DNAAF11: variants seen among roughly 807,000 people sequenced by gnomAD.
The protein encoded by DNAAF11 is dynein axonemal assembly factor 11.
A neutral mutation model predicts 60.8 loss-of-function variants in DNAAF11; 45 were observed. The ratio of observed to expected loss-of-function variants is 0.74; its 90% CI spans 0.58 to 0.95. The LOEUF (loss-of-function observed/expected upper bound fraction) is 0.95, where lower values mean the gene tolerates loss of function less well. DNAAF11 is among the 40% of genes least tolerant of loss of function. The pLI is 0.00. For synonymous variants in DNAAF11, 191 were observed against 183.5 expected (o/e 1.04, Z -0.33); for missense variants, 546 against 546.2 (o/e 1.00, Z 0.00).
intron 11 of DNAAF11, among the ~76,000 whole-genome samples, chr8:132,581,142 T>C (rs912670144): frequency 2.6e-5 from 4 of 152,210 alleles, no homozygotes; most frequent in Non-Finnish European, 5.9e-5. Context: ...ACTTAATTCC[T>C]GATGGATTAG....
chr8:132,661,469 C>A lies in DNAAF11; in HGVS notation c.169G>T (p.Gly57Trp), dbSNP rs554756260. Residue 57 changes from glycine to tryptophan, a missense_variant, in exon 2 of 12, where the codon GGG (glycine) becomes TGG (tryptophan). By Grantham distance (184) the Gly-to-Trp change is radical. Coordinates refer to ENST00000620350, the MANE Select transcript of DNAAF11 (RefSeq NM_012472.6). ...AAGTACTGAAACTTACCAATTTTCC[C>A]AATAAGATTATTTTGAAGATAGAGA... ...KILYLQNNLIGKIENVSKLKK... is the reference protein window; with the variant it reads ...KILYLQNNLIWKIENVSKLKK... 3.6e-5 allele frequency: 58 copies of A among 1,611,638 alleles called. No homozygotes were observed. The South Asian group carries it at 6.0e-4, about 17-fold the overall frequency.
At position 132,581,681 on chromosome 8, in the gene DNAAF11, A is replaced by AG. The variant is rs1554669763; in HGVS notation, c.1226+2012_1226+2013insC. On this transcript the variant is annotated intron_variant, in intron 11 of 11. Coordinates refer to ENST00000620350, the MANE Select transcript of DNAAF11 (RefSeq NM_012472.6). ...TGCCTCAAAAAAAAAAAAAAAAAAA[A>AG]AAGAAGAAGAAGAAGAAGAACAAGC... Among the ~76,000 whole-genome samples the AG allele has an allele frequency of 6.3e-4, 93 of 148,368 alleles. 1 individual carries two copies. The South Asian group carries it at 0.016, about 25-fold the overall frequency.
At chr8:132,619,889 C>T (rs1819583540) in intron 7 of DNAAF11, among the ~76,000 whole-genome samples, 1 of 152,126 alleles carries the variant, frequency 6.6e-6, no homozygotes, top group Non-Finnish European at 1.5e-5. Flanking sequence ...ATGGGAAGTT[C>T]ACCGTCAGCA....
intron 11 of DNAAF11, among the ~76,000 whole-genome samples, chr8:132,583,468 T>C (rs1815543581): frequency 6.6e-6 from 1 of 152,200 alleles, no homozygotes; most frequent in African/African-American, 2.4e-5. Flanking sequence ...CCAGTCGTTA[T>C]ATTATGACGA....
intron 10 of DNAAF11, among the ~76,000 whole-genome samples, chr8:132,591,798 T>C (rs1204955560): frequency 6.6e-6 from 1 of 152,128 alleles, no homozygotes; most frequent in Non-Finnish European, 1.5e-5. Context: ...ATTTACTGAA[T>C]GGTAGGTTTT....
At chr8:132,644,790 C>T (rs1027771052) in intron 3 of DNAAF11, among the ~76,000 whole-genome samples, 17 of 152,176 alleles carry the variant, frequency 1.1e-4, no homozygotes, top group Non-Finnish European at 7.4e-5. Context: ...GGGGGAGGGA[C>T]GTCCACCATT....
At chr8:132,688,895 C>T in the DNAAF11 span, among the ~76,000 whole-genome samples, 4 of 152,190 alleles carry the variant, frequency 2.6e-5, no homozygotes, top group Middle Eastern at 3.4e-3. Context: ...TTAAAAATAC[C>T]GTTTAAAAGA....
intron 10 of DNAAF11, among the ~76,000 whole-genome samples, chr8:132,607,219 T>A (rs1299539199): frequency 1.3e-5 from 2 of 152,222 alleles, no homozygotes; most frequent in South Asian, 2.1e-4. Flanking sequence ...ACACCTCTTC[T>A]ACTACTTCAC....
intron 4 of DNAAF11, among the ~76,000 whole-genome samples, chr8:132,637,374 G>C (rs1006225908): frequency 1.3e-5 from 2 of 152,200 alleles, no homozygotes; most frequent in Admixed American, 1.3e-4. Context: ...GGGAGGCCGA[G>C]GCAGGTGGAT....
chr8:132,654,609 T>G (rs968673893), intron 3 of DNAAF11, among the ~76,000 whole-genome samples: 1 of 150,284 alleles, frequency 6.7e-6, no homozygotes, highest in African/African-American at 2.4e-5. Flanking sequence ...AAACGAGAAA[T>G]CAGTAAAATG....
chr8:132,629,118 C>T (rs1017687254), intron 5 of DNAAF11, among the ~76,000 whole-genome samples: 1 of 152,046 alleles, frequency 6.6e-6, no homozygotes. Flanking sequence ...TAATTCAACA[C>T]AGTAACAGAA....
At chr8:132,699,188 G>A in the DNAAF11 span, among the ~76,000 whole-genome samples, 3 of 152,006 alleles carry the variant, frequency 2.0e-5, no homozygotes, top group Middle Eastern at 3.4e-3. Flanking sequence ...GTGACCAGGG[G>A]TGGCGTGCCT....
intron 5 of DNAAF11, among the ~76,000 whole-genome samples, chr8:132,630,895 G>T (rs1036857336): frequency 6.6e-6 from 1 of 152,040 alleles, no homozygotes; most frequent in African/African-American, 2.4e-5. Context: ...TCCAGTATTG[G>T]CAAAGACTGA....
At chr8:132,648,590 T>A (rs974814303) in intron 3 of DNAAF11, among the ~76,000 whole-genome samples, 1 of 152,216 alleles carries the variant, frequency 6.6e-6, no homozygotes, top group African/African-American at 2.4e-5. Flanking sequence ...GCAGATGACA[T>A]GATTGTATAT....
intron 7 of DNAAF11, among the ~76,000 whole-genome samples, chr8:132,616,148 T>C (rs1819128579): frequency 6.6e-6 from 1 of 152,072 alleles, no homozygotes; most frequent in Non-Finnish European, 1.5e-5. Context: ...CTGCTTCCCC[T>C]TTATTCCTAG....
intron 6 of DNAAF11, among the ~76,000 whole-genome samples, chr8:132,624,422 T>G (rs1283803808): frequency 6.6e-6 from 1 of 152,218 alleles, no homozygotes; most frequent in Non-Finnish European, 1.5e-5. Flanking sequence ...TCCCTTAGTG[T>G]GCAAATCACC....
chr8:132,583,795 AACACAC>A lies in DNAAF11; in HGVS notation c.1141-22_1141-17del, dbSNP rs752326302. 1 of 1,563,244 alleles carries A rather than the reference AACACAC, an allele frequency of 6.4e-7. No homozygotes were observed. The highest frequency in any genetic ancestry group is 1.1e-5 in the South Asian group (1 of 90,030). On this transcript the variant is annotated splice_polypyrimidine_tract_variant and intron_variant, in intron 10 of 11. Coordinates refer to ENST00000620350, the MANE Select transcript of DNAAF11 (RefSeq NM_012472.6). ...CTTCTCCTACCTAAAATAAAAATGAAACACACACCAAGTGGTGCATTACTCCTTGAT... is the reference window on the plus strand; with the variant it reads ...CTTCTCCTACCTAAAATAAAAATGAAACCAAGTGGTGCATTACTCCTTGAT...
intron 3 of DNAAF11, among the ~76,000 whole-genome samples, chr8:132,650,341 G>A (rs959064947): frequency 2.6e-5 from 4 of 152,000 alleles, no homozygotes; most frequent in Admixed American, 2.6e-4. Flanking sequence ...ACACAGGGTG[G>A]GGAACATCAC....
chr8:132,654,645 T>C (rs1485926112), intron 3 of DNAAF11, among the ~76,000 whole-genome samples: 1 of 150,376 alleles, frequency 6.6e-6, no homozygotes. Flanking sequence ...GTCACAAAGA[T>C]GTGGAAATTA....
Sources: gnomAD v4.1 joint callset for allele counts (sites outside exome capture counted in the v4.1 genomes callset) on GRCh38, gnomAD v4.1.1 for gene constraint, MANE v1.5 for transcripts, NCBI Gene and HGNC (gene_info 2026-07-23, HGNC 2026-07-21) for gene names.